ANKRD44: variants seen among roughly 807,000 people sequenced by gnomAD.
ANKRD44 encodes the protein ankyrin repeat domain 44, also known as serine/threonine-protein phosphatase 6 regulatory ankyrin repeat subunit B.
A neutral mutation model predicts 116.0 loss-of-function variants in ANKRD44; 35 were observed. The ratio of observed to expected loss-of-function variants is 0.30; its 90% CI spans 0.23 to 0.40. The LOEUF (loss-of-function observed/expected upper bound fraction) is 0.40. Among genes scored for constraint, ANKRD44 ranks in the 10% least tolerant of loss-of-function variants. ANKRD44 has a pLI of 1.00. For synonymous variants in ANKRD44, 435 were observed against 461.8 expected, an observed-to-expected ratio of 0.94 and a Z score of 0.74; for missense variants, 1,014 against 1,242.6, an observed-to-expected ratio of 0.82 and a Z score of 2.77.
At chr2:197,069,648 T>G (rs1452008629) in intron 16 of ANKRD44, among the ~76,000 whole-genome samples, 1 of 152,140 alleles carries the variant, frequency 6.6e-6, no homozygotes, top group Non-Finnish European at 1.5e-5. Flanking sequence ...AAAATATATA[T>G]TATATATTCA....
chr2:197,290,234 C>T (rs186838191), intron 1 of ANKRD44, among the ~76,000 whole-genome samples: 278 of 152,248 alleles, frequency 1.8e-3, no homozygotes, highest in Middle Eastern at 6.8e-3. Flanking sequence ...AAAAGTGTTT[C>T]CTTTTCACCA....
chr2:197,221,038 T>C (rs1574302384), intron 1 of ANKRD44, among the ~76,000 whole-genome samples: 1 of 152,058 alleles, frequency 6.6e-6, no homozygotes, highest in South Asian at 2.1e-4. Flanking sequence ...TCACCTGAGG[T>C]CAGGAGTTCG....
At chr2:197,148,831 G>A (rs1483604929) in intron 2 of ANKRD44, among the ~76,000 whole-genome samples, 1 of 152,156 alleles carries the variant, frequency 6.6e-6, no homozygotes, top group Non-Finnish European at 1.5e-5. Flanking sequence ...TGAAAATAGG[G>A]CAGTCATGCA....
At chr2:197,013,374 A>G in intron 18 of ANKRD44, 137 bp downstream of exon 18, 1 of 952,206 alleles carries the variant, frequency 1.1e-6, no homozygotes, top group South Asian at 1.6e-5. Context: ...AGCATTTTGG[A>G]AGTGTGGAAG....
At chr2:197,186,574 C>CCCACCTGT (rs2080667558) in intron 2 of ANKRD44, among the ~76,000 whole-genome samples, 1 of 146,510 alleles carries the variant, frequency 6.8e-6, no homozygotes, top group Non-Finnish European at 1.5e-5. Flanking sequence ...AGGCAATCCT[C>CCCACCTGT]CCACCTGTGC....
intron 2 of ANKRD44, among the ~76,000 whole-genome samples, chr2:197,153,255 C>A (rs150972932): frequency 1.8e-3 from 226 of 128,462 alleles, no homozygotes; most frequent in Middle Eastern, 4.1e-3. Flanking sequence ...AAAGAAGAAA[C>A]AAGAAGAAGA....
intron 1 of ANKRD44, among the ~76,000 whole-genome samples, chr2:197,271,875 T>A (rs1459637374): frequency 6.6e-6 from 1 of 152,226 alleles, no homozygotes; most frequent in African/African-American, 2.4e-5. Context: ...GTGCTGGGAT[T>A]ACAGGCATGA....
intron 2 of ANKRD44, among the ~76,000 whole-genome samples, chr2:197,184,640 A>C (rs1231812181): frequency 3.0e-4 from 1 of 3,382 alleles, no homozygotes; most frequent in African/African-American, 4.6e-4. Flanking sequence ...ACTCCATCTC[A>C]AAAAAAAAAA....
chr2:197,273,448 T>C (rs996618242), intron 1 of ANKRD44, among the ~76,000 whole-genome samples: 1 of 152,224 alleles, frequency 6.6e-6, no homozygotes, highest in African/African-American at 2.4e-5. Context: ...TCATTCCCAT[T>C]TGATGTGCTA....
At chr2:197,139,848 T>G (rs1055733099) in intron 3 of ANKRD44, among the ~76,000 whole-genome samples, 19 of 131,670 alleles carry the variant, frequency 1.4e-4, no homozygotes, top group African/African-American at 4.4e-4. Context: ...TAAGCTGCTT[T>G]TGTGTGTGTG....
chr2:196,987,965 A>C lies in ANKRD44; in HGVS notation c.*1626T>G. The C allele has an allele frequency of 1.0e-6, 1 of 985,346 alleles. No individual in the cohort carries two copies. The allele number at this position is 985,346 out of a possible 1,614,324, so 61.0% of individuals were successfully genotyped here. The stretch of plus-strand genomic sequence containing the variant: ...AAATTTTGCCTTGGGGTATGGGAGA[A>C]AGAGAAAGAGAGGAAGAGAGAGAGA... On this transcript the variant is annotated 3_prime_UTR_variant, in exon 28 of 28. Transcript: ENST00000282272.
intron 1 of ANKRD44, among the ~76,000 whole-genome samples, chr2:197,217,495 G>A (rs1329234115): frequency 6.6e-6 from 1 of 152,158 alleles, no homozygotes; most frequent in Non-Finnish European, 1.5e-5. Context: ...TTGCTTGAAT[G>A]ACATAATAGA....
chr2:197,001,149 A>G, intron 22 of ANKRD44, among the ~76,000 whole-genome samples: 1 of 152,230 alleles, frequency 6.6e-6, no homozygotes, highest in East Asian at 1.9e-4. Flanking sequence ...ACTCAGTTTC[A>G]TATAAAGGCC....
At chr2:197,083,731 A>G (rs1193447463) in intron 13 of ANKRD44, among the ~76,000 whole-genome samples, 1 of 152,202 alleles carries the variant, frequency 6.6e-6, no homozygotes, top group Non-Finnish European at 1.5e-5. Context: ...TCTTTTATTC[A>G]AAAATCCAAA....
intron 1 of ANKRD44, among the ~76,000 whole-genome samples, chr2:197,230,432 C>T (rs2081830928): frequency 6.6e-6 from 1 of 152,070 alleles, no homozygotes; most frequent in South Asian, 2.1e-4. Context: ...ACACTCATCC[C>T]TTCCAATAAA....
intron 2 of ANKRD44, among the ~76,000 whole-genome samples, chr2:197,156,565 T>A (rs1574569719): frequency 6.6e-6 from 1 of 152,192 alleles, no homozygotes; most frequent in South Asian, 2.1e-4. Context: ...AACTTAAACA[T>A]ACAACTACCA....
intron 14 of ANKRD44, 150 bp from the exon 15 acceptor site, chr2:197,081,875 G>T: frequency 1.6e-6 from 1 of 630,346 alleles, no homozygotes; most frequent in Middle Eastern, 3.7e-4. Context: ...GATATACATG[G>T]TTCTCTCCAA....
intron 9 of ANKRD44, among the ~76,000 whole-genome samples, chr2:197,106,354 G>A (rs1222401269): frequency 6.6e-6 from 1 of 151,884 alleles, no homozygotes; most frequent in South Asian, 2.1e-4. Context: ...CTGAGGCAGG[G>A]GAATTTCTTC....
chr2:197,263,800 C>T (rs561085518), intron 1 of ANKRD44, among the ~76,000 whole-genome samples: 5 of 47,370 alleles, frequency 1.1e-4, no homozygotes, highest in African/African-American at 3.9e-4. Context: ...CCCCAGGATC[C>T]ATCTTCTCTC....
Sources: gnomAD v4.1 joint callset for allele counts (sites outside exome capture counted in the v4.1 genomes callset) on GRCh38, gnomAD v4.1.1 for gene constraint, MANE v1.5 for transcripts, NCBI Gene and HGNC (gene_info 2026-07-23, HGNC 2026-07-21) for gene names.